COPZ1: variants seen among roughly 807,000 people sequenced by gnomAD.
COPZ1 encodes the protein coatomer subunit zeta-1.
A neutral mutation model predicts 31.7 loss-of-function variants in COPZ1; 4 were observed. The observed-to-expected ratio is 0.13, with a 90% confidence interval of 0.06 to 0.29. COPZ1 has a LOEUF of 0.29. Among genes scored for constraint, COPZ1 ranks in the 10% least tolerant of loss-of-function variants. The probability of loss-of-function intolerance (pLI) is 1.00; values close to 1 mark genes in which losing one functional copy is unlikely to be tolerated. For synonymous variants in COPZ1, 74 were observed against 79.0 expected (o/e 0.94, Z 0.33); for missense variants, 156 against 211.5 (o/e 0.74, Z 1.63).
At chr12:54,326,435 G>A (rs897677312) in intron 1 of COPZ1, among the ~76,000 whole-genome samples, 4 of 146,656 alleles carry the variant, frequency 2.7e-5, no homozygotes, top group African/African-American at 1.0e-4. Flanking sequence ...CCACTGCGCC[G>A]GGCCAGGAAT....
chr12:54,335,733 G>A (rs886898076), intron 1 of COPZ1, among the ~76,000 whole-genome samples: 2 of 151,536 alleles, frequency 1.3e-5, no homozygotes, highest in East Asian at 1.9e-4. Flanking sequence ...GTGCAGTAGC[G>A]CAATTGTAGC....
chr12:54,339,257 TAA>T (rs72213270), intron 1 of COPZ1, among the ~76,000 whole-genome samples: 62 of 120,144 alleles, frequency 5.2e-4, no homozygotes, highest in Admixed American at 7.0e-4. Context: ...CCTTTTCTCT[TAA>T]AAAAAAAAAA....
chr12:54,347,682 G>T (rs895496575), intron 5 of COPZ1, 85 bp from the exon 6 acceptor site: 18 of 1,216,400 alleles, frequency 1.5e-5, no homozygotes, highest in Non-Finnish European at 5.9e-6. Flanking sequence ...TATTGGTCTA[G>T]TTTAGGTTCC....
intron 1 of COPZ1, among the ~76,000 whole-genome samples, chr12:54,334,129 C>T (rs1273201132): frequency 1.3e-5 from 2 of 151,708 alleles, no homozygotes; most frequent in South Asian, 2.1e-4. Context: ...CGTGGTGGCT[C>T]ATGCCTGTAA....
At chr12:54,328,330 G>A (rs1050823934) in intron 1 of COPZ1, among the ~76,000 whole-genome samples, 1 of 149,954 alleles carries the variant, frequency 6.7e-6, no homozygotes, top group Non-Finnish European at 1.5e-5. Flanking sequence ...CCAGCACTTT[G>A]GGAGGCCGAG....
At position 54,350,781 on chromosome 12, in the gene COPZ1, A is replaced by T. The variant is rs1421320848; in HGVS notation, c.*258A>T. 2 of 552,726 alleles carry T rather than the reference A, an allele frequency of 3.6e-6. No individual in the cohort carries two copies. The highest frequency in any genetic ancestry group is 6.5e-6 in the Non-Finnish European group (2 of 306,508). The allele number at this position is 552,726 out of a possible 1,614,324, so 34.2% of individuals were successfully genotyped here. ...CAGGGGAAGCACCCTCTTTCTTTCTAGACTGGATTATGCTCACATGCTCCC... is the reference window on the plus strand; with the variant it reads ...CAGGGGAAGCACCCTCTTTCTTTCTTGACTGGATTATGCTCACATGCTCCC... On this transcript the variant is annotated 3_prime_UTR_variant, in exon 9 of 9. Transcript: ENST00000262061.
chr12:54,331,017 G>C (rs113887126), intron 1 of COPZ1, among the ~76,000 whole-genome samples: 178 of 152,192 alleles, frequency 1.2e-3, no homozygotes, highest in African/African-American at 3.9e-3. Flanking sequence ...AGATTATTAG[G>C]GGGATCTCTC....
At chr12:54,334,828 G>A (rs375260224) in intron 1 of COPZ1, among the ~76,000 whole-genome samples, 1 of 152,272 alleles carries the variant, frequency 6.6e-6, no homozygotes. Context: ...CTGCACTTCA[G>A]CCTGGGCGAC....
Position 54,325,134 on chromosome 12 carries a change from G to C in COPZ1, c.-30G>C. 1.3e-6 allele frequency: 2 copies of C among 1,559,726 alleles called. No homozygotes were observed. The highest frequency in any genetic ancestry group is 1.4e-5 in the African/African-American group (1 of 73,486). On this transcript the variant is annotated 5_prime_UTR_variant, in exon 1 of 9. Coordinates refer to ENST00000262061, the MANE Select transcript of COPZ1 (RefSeq NM_016057.3). The stretch of plus-strand genomic sequence containing the variant: ...AATCAGCGGCGGCGTTTCTTTTGCG[G>C]CTCCACGTCGGCACCAGCTGCGGGG...
At chr12:54,332,194 C>T (rs1014703839) in intron 1 of COPZ1, among the ~76,000 whole-genome samples, 10 of 151,970 alleles carry the variant, frequency 6.6e-5, no homozygotes, top group African/African-American at 2.4e-4. Flanking sequence ...TGGTGTCACG[C>T]GCCTGTAATC....
intron 1 of COPZ1, among the ~76,000 whole-genome samples, chr12:54,336,862 A>G (rs1953876185): frequency 6.6e-6 from 1 of 151,758 alleles, no homozygotes; most frequent in Non-Finnish European, 1.5e-5. Context: ...TCTCTACTAA[A>G]AATACAAAAA....
chr12:54,331,977 C>A (rs528477928), intron 1 of COPZ1, among the ~76,000 whole-genome samples: 1 of 152,274 alleles, frequency 6.6e-6, no homozygotes, highest in South Asian at 2.1e-4. Flanking sequence ...TTCTGTGATT[C>A]TTTCACTTCC....
At chr12:54,347,220 T>C (rs189208859) in intron 5 of COPZ1, among the ~76,000 whole-genome samples, 1 of 152,318 alleles carries the variant, frequency 6.6e-6, no homozygotes, top group Admixed American at 6.5e-5. Flanking sequence ...ACAGGCCACA[T>C]GCACCAACCA....
chr12:54,349,554 C>A, intron 7 of COPZ1, 66 bp from the exon 8 acceptor site: 1 of 1,292,760 alleles, frequency 7.7e-7, no homozygotes, highest in Non-Finnish European at 1.1e-6. Flanking sequence ...TTCTCTAATA[C>A]CAGACTCCAA....
rs776062196 is a variant in COPZ1, at chr12:54,349,677, C to T, written c.486+19C>T. ...GTCTCAGGTATGACTCTCCCTTCTT[C>T]CTTTCCAGATGGACTGGGTCACTAA... On this transcript the variant is annotated intron_variant, in intron 8 of 8. Coordinates refer to ENST00000262061, the MANE Select transcript of COPZ1 (RefSeq NM_016057.3). 2.3e-5 allele frequency: 36 copies of T among 1,597,736 alleles called. No individual in the cohort carries two copies. Among genetic ancestry groups the T allele is most frequent in the Non-Finnish European group, 3.0e-5 (35 of 1,165,180 alleles).
chr12:54,330,973 T>A (rs890231454), intron 1 of COPZ1, among the ~76,000 whole-genome samples: 7 of 152,124 alleles, frequency 4.6e-5, no homozygotes, highest in African/African-American at 1.4e-4. Context: ...ATTCTGTCCC[T>A]CCTGTTTTTG....
intron 1 of COPZ1, among the ~76,000 whole-genome samples, chr12:54,334,281 C>T (rs899392695): frequency 7.9e-5 from 12 of 151,600 alleles, no homozygotes; most frequent in African/African-American, 4.8e-5. Flanking sequence ...ATAAGCCGGG[C>T]GTGGTGGGAA....
At chr12:54,345,562 G>A in intron 5 of COPZ1, 47 bp downstream of exon 5, 1 of 1,433,328 alleles carries the variant, frequency 7.0e-7, no homozygotes, top group Non-Finnish European at 9.8e-7. Context: ...GATGGAAAGA[G>A]CAGGGCATTG....
At position 54,348,075 on chromosome 12, in the gene COPZ1, C is replaced by T. The variant is rs772045035; in HGVS notation, c.447+24C>T. The T allele has an allele frequency of 2.5e-6, 4 of 1,612,056 alleles. No homozygotes were observed. The South Asian group carries it at 4.4e-5, about 18-fold the overall frequency. On this transcript the variant is annotated intron_variant, in intron 7 of 8. Transcript: ENST00000262061. ...GGGTAAGCAAGAATGTGTTTCTTTG[C>T]ATCCCCGCATCTATTCACAAACACC...
Sources: gnomAD v4.1 joint callset for allele counts (sites outside exome capture counted in the v4.1 genomes callset) on GRCh38, gnomAD v4.1.1 for gene constraint, MANE v1.5 for transcripts, NCBI Gene and HGNC (gene_info 2026-07-23, HGNC 2026-07-21) for gene names.